CFAP299: variants seen among roughly 807,000 people sequenced by gnomAD.
CFAP299 encodes the protein cilia- and flagella-associated protein 299.
CFAP299 carries 21 observed loss-of-function variants against 27.0 expected under a neutral mutation model. That is an observed-to-expected ratio of 0.78 (90% CI 0.55 to 1.12). CFAP299 has a LOEUF of 1.12. CFAP299 is among the 50% of genes most tolerant of loss of function. The pLI is 0.00. For missense variants in CFAP299, 310 were observed against 276.6 expected (o/e 1.12, Z -0.86); for synonymous variants, 104 against 98.1 (o/e 1.06, Z -0.36).
chr4:80,806,311 C>T (rs993816584), intron 3 of CFAP299, among the ~76,000 whole-genome samples: 14 of 152,042 alleles, frequency 9.2e-5, no homozygotes, highest in Admixed American at 7.9e-4. Flanking sequence ...TTCATGTTAC[C>T]AAACATCAAG....
At chr4:80,388,591 A>AGGGG (rs1205462729) in intron 2 of CFAP299, 1 of 1,434,162 alleles carries the variant, frequency 7.0e-7, no homozygotes, top group African/African-American at 1.5e-5. Context: ...GCTGGATAGC[A>AGGGG]GGGGACGCAT....
At position 80,927,130 on chromosome 4, in the gene CFAP299, A is replaced by G. The variant is rs565414080; in HGVS notation, c.477-17680A>G. ...ATTGCTTAGTGAAAAGTCAAAGGCT[A>G]TGAAGCTTTTAGTTTCTCTTTTTGC... On this transcript the variant is annotated intron_variant, in intron 4 of 5. Coordinates refer to ENST00000358105, the MANE Select transcript of CFAP299 (RefSeq NM_152770.3). Among the ~76,000 whole-genome samples the G allele has an allele frequency of 2.3e-4, 35 of 152,248 alleles. 1 individual carries two copies. The South Asian group carries it at 5.0e-3, about 22-fold the overall frequency.
intron 3 of CFAP299, among the ~76,000 whole-genome samples, chr4:80,642,880 AAAAC>A (rs1364582186): frequency 6.6e-6 from 1 of 152,226 alleles, no homozygotes; most frequent in Admixed American, 6.5e-5. Flanking sequence ...AAAACAGACA[AAAAC>A]AAACAGAAAC....
chr4:80,921,710 C>T (rs549738169), intron 4 of CFAP299, among the ~76,000 whole-genome samples: 1 of 151,714 alleles, frequency 6.6e-6, no homozygotes, highest in South Asian at 2.1e-4. Context: ...TGCAAAACAC[C>T]CCTGGAGGCT....
At chr4:80,947,621 A>G (rs1480413177) in intron 5 of CFAP299, among the ~76,000 whole-genome samples, 1 of 152,142 alleles carries the variant, frequency 6.6e-6, no homozygotes, top group African/African-American at 2.4e-5. Context: ...TATTTTAATA[A>G]GAAGCCTGTG....
chr4:80,499,768 T>A (rs1276538296), intron 2 of CFAP299, among the ~76,000 whole-genome samples: 1 of 151,886 alleles, frequency 6.6e-6, no homozygotes, highest in African/African-American at 2.4e-5. Flanking sequence ...CCTCTTGATA[T>A]TTTTTTTCCT....
At chr4:80,862,436 T>C (rs1192219523) in intron 3 of CFAP299, among the ~76,000 whole-genome samples, 2 of 152,058 alleles carry the variant, frequency 1.3e-5, no homozygotes, top group Admixed American at 6.6e-5. Flanking sequence ...TCTTATAAAC[T>C]AGGAGAGAAA....
chr4:80,531,182 AT>A (rs2110187296), intron 2 of CFAP299, among the ~76,000 whole-genome samples: 1 of 152,280 alleles, frequency 6.6e-6, no homozygotes, highest in South Asian at 2.1e-4. Flanking sequence ...ATAGCAAGAA[AT>A]GGCCATATTC....
chr4:80,526,250 A>T (rs1733168932), intron 2 of CFAP299, among the ~76,000 whole-genome samples: 1 of 152,138 alleles, frequency 6.6e-6, no homozygotes, highest in South Asian at 2.1e-4. Context: ...AAGTAAAGAA[A>T]ATATATTCAT....
intron 3 of CFAP299, among the ~76,000 whole-genome samples, chr4:80,847,777 A>G (rs1365072315): frequency 6.6e-6 from 1 of 152,212 alleles, no homozygotes; most frequent in Non-Finnish European, 1.5e-5. Flanking sequence ...TATTTGTTGC[A>G]TGGTGACACT....
At chr4:80,924,548 A>G (rs879895364) in intron 4 of CFAP299, among the ~76,000 whole-genome samples, 3,124 of 145,548 alleles carry the variant, frequency 0.021, 110 homozygotes, top group East Asian at 0.15. Flanking sequence ...GTATATATAT[A>G]TATATATATA....
chr4:80,413,390 G>C (rs1417759773), intron 2 of CFAP299, among the ~76,000 whole-genome samples: 1 of 152,202 alleles, frequency 6.6e-6, no homozygotes, highest in Non-Finnish European at 1.5e-5. Flanking sequence ...TTCAGGGTGG[G>C]ACCCAGGAGC....
chr4:80,726,414 AAG>A (rs1239780598), intron 3 of CFAP299, among the ~76,000 whole-genome samples: 2 of 152,200 alleles, frequency 1.3e-5, no homozygotes, highest in African/African-American at 2.4e-5. Context: ...AAGAAAGAAA[AAG>A]ATATCTTTTT....
chr4:80,797,940 C>A (rs1727966501), intron 3 of CFAP299, among the ~76,000 whole-genome samples: 2 of 152,046 alleles, frequency 1.3e-5, no homozygotes, highest in South Asian at 4.2e-4. Context: ...CTATTAGAAC[C>A]TTTTTTAACT....
chr4:80,753,420 C>G (rs938483866), intron 3 of CFAP299, among the ~76,000 whole-genome samples: 13 of 152,060 alleles, frequency 8.5e-5, no homozygotes, highest in African/African-American at 3.1e-4. Context: ...GTCATCAAGA[C>G]TGTCTCTGTC....
At chr4:80,767,615 A>C (rs954516041) in intron 3 of CFAP299, among the ~76,000 whole-genome samples, 2 of 152,192 alleles carry the variant, frequency 1.3e-5, no homozygotes, top group Non-Finnish European at 2.9e-5. Flanking sequence ...TCTCAAAAAA[A>C]TTAAAAAAAT....
chr4:80,915,591 T>C (rs913701205), intron 4 of CFAP299, among the ~76,000 whole-genome samples: 6 of 152,086 alleles, frequency 3.9e-5, no homozygotes, highest in African/African-American at 1.4e-4. Context: ...AGCATTTTTT[T>C]TCTAAGCTCC....
At position 80,929,359 on chromosome 4, in the gene CFAP299, A is replaced by G. The variant is rs1026046641; in HGVS notation, c.477-15451A>G. On this transcript the variant is annotated intron_variant, in intron 4 of 5. Coordinates refer to ENST00000358105, the MANE Select transcript of CFAP299 (RefSeq NM_152770.3). Reference sequence around the variant, plus strand: ...CCCATCCAGTCTCTATGACACCACTATCCCTCCAGTCTCTGTAGCACCACT... The same window carrying G: ...CCCATCCAGTCTCTATGACACCACTGTCCCTCCAGTCTCTGTAGCACCACT... Among the ~76,000 whole-genome samples the G allele has an allele frequency of 4.7e-4, 71 of 150,936 alleles. 1 individual carries two copies. Among genetic ancestry groups the G allele is most frequent in the Admixed American group, 4.5e-3 (69 of 15,168 alleles).
At chr4:80,403,058 A>G (rs1323397413) in intron 2 of CFAP299, among the ~76,000 whole-genome samples, 1 of 152,192 alleles carries the variant, frequency 6.6e-6, no homozygotes, top group Non-Finnish European at 1.5e-5. Flanking sequence ...CAGTTTTGAA[A>G]AGGTGCAGGT....
Sources: allele counts gnomAD v4.1 joint callset (sites outside exome capture counted in the v4.1 genomes callset), GRCh38; gene constraint gnomAD v4.1.1; transcripts MANE v1.5; gene names NCBI Gene and HGNC (gene_info 2026-07-23, HGNC 2026-07-21).